SLC4A8: variants seen among roughly 807,000 people sequenced by gnomAD.
SLC4A8 encodes electroneutral sodium bicarbonate exchanger 1.
A neutral mutation model predicts 125.0 loss-of-function variants in SLC4A8; 40 were observed. The ratio of observed to expected loss-of-function variants is 0.32; its 90% CI spans 0.25 to 0.42. The LOEUF is 0.42. SLC4A8 is among the 10% of genes least tolerant of loss of function. The pLI is 1.00. For synonymous variants in SLC4A8, 456 were observed against 476.0 expected, an observed-to-expected ratio of 0.96 and a Z score of 0.55; for missense variants, 863 against 1,355.1, an observed-to-expected ratio of 0.64 and a Z score of 5.70.
At chr12:51,451,389 G>C (rs771381417) in intron 3 of SLC4A8, among the ~76,000 whole-genome samples, 2 of 152,126 alleles carry the variant, frequency 1.3e-5, no homozygotes, top group Non-Finnish European at 2.9e-5. Flanking sequence ...GATTGCAGGC[G>C]TGAGCCACCG....
chr12:51,441,010 G>C (rs1394370776), intron 2 of SLC4A8: 3 of 1,120,030 alleles, frequency 2.7e-6, no homozygotes, highest in Non-Finnish European at 3.4e-6. Context: ...GCCTACATGG[G>C]AGATAGTGCT....
At chr12:51,441,316 A>G (rs1335620633) in intron 2 of SLC4A8, 2 of 589,838 alleles carry the variant, frequency 3.4e-6, no homozygotes, top group East Asian at 1.4e-4. Flanking sequence ...TCTTGAGTTC[A>G]TAACATCAAA....
rs1938285271 is a variant in SLC4A8, at chr12:51,509,358, T to C, written c.*1920T>C. 6.6e-6 allele frequency: 1 copy of C among 152,252 alleles called. No individual in the cohort carries two copies. The highest frequency in any genetic ancestry group is 2.4e-5 in the African/African-American group (1 of 41,462). 9.4% of individuals were successfully genotyped at this position (152,252 alleles called of 1,614,324 possible). ...GCCAAAGCTTCACATTTTAGCACTT[T>C]AGGATAACTGTAGTAATTGTACTCA... On this transcript the variant is annotated 3_prime_UTR_variant, in exon 25 of 25. Transcript: ENST00000453097.
Position 51,502,890 on chromosome 12 carries a change from G to C in SLC4A8, c.3082-1139G>C, listed in dbSNP as rs1226116124. 6.0e-5 allele frequency among the ~76,000 whole-genome samples: 9 copies of C among 148,776 alleles called. No homozygotes were observed. In the East Asian group the frequency reaches 1.8e-3, roughly 29 times the overall value. On this transcript the variant is annotated intron_variant, in intron 22 of 24. Coordinates refer to ENST00000453097, the MANE Select transcript of SLC4A8 (RefSeq NM_001039960.3). ...GTCTCGCTCTGTCGTCACCCAGGCT[G>C]GAGTGCAGTGGCGCCATCTTGGCTC...
intron 2 of SLC4A8, chr12:51,441,180 T>C: frequency 1.0e-6 from 1 of 984,876 alleles, no homozygotes; most frequent in Non-Finnish European, 1.2e-6. Flanking sequence ...TAAAAACTCA[T>C]TTTGGCTACA....
chr12:51,479,354 T>C (rs554702355), intron 16 of SLC4A8, among the ~76,000 whole-genome samples: 1 of 152,134 alleles, frequency 6.6e-6, no homozygotes, highest in South Asian at 2.1e-4. Context: ...GCAAACACCT[T>C]TTTGGGGGAT....
chr12:51,456,379 G>T (rs1011322680), intron 5 of SLC4A8, among the ~76,000 whole-genome samples: 1 of 152,272 alleles, frequency 6.6e-6, no homozygotes, highest in South Asian at 2.1e-4. Flanking sequence ...GAATAGTCAT[G>T]AATAGAATTA....
intron 13 of SLC4A8, among the ~76,000 whole-genome samples, chr12:51,470,839 C>T (rs1028871891): frequency 1.3e-5 from 2 of 151,566 alleles, no homozygotes; most frequent in African/African-American, 2.4e-5. Context: ...TTTAATTTGG[C>T]CTAATATCCT....
At chr12:51,417,643 G>A (rs1299996564) in intron 1 of SLC4A8, among the ~76,000 whole-genome samples, 39 of 151,946 alleles carry the variant, frequency 2.6e-4, no homozygotes, top group Non-Finnish European at 2.4e-4. Context: ...TCAGCCTCCC[G>A]AGTGGCTGGG....
chr12:51,488,763 T>G lies in SLC4A8; in HGVS notation c.2351T>G (p.Ile784Arg), dbSNP rs1254804519. 6.2e-7 allele frequency: 1 copy of G among 1,613,248 alleles called. No individual in the cohort carries two copies. Among genetic ancestry groups the G allele is most frequent in the South Asian group, 1.1e-5 (1 of 91,066 alleles). The change falls in exon 18 of 25, where the codon ATA (isoleucine) becomes AGA (arginine). Residue 784 changes from isoleucine to arginine, a missense_variant. Around this residue, in one of 6 missense-constraint regions of SLC4A8, gnomAD observed 197 missense variants for 377.7 expected, o/e 0.52. Transcript: ENST00000453097. ...GGCCCCAATCCCTGGTGGACTGTGATAGCTGCAATTATCCCAGCTCTTCTC... is the reference window on the plus strand; with the variant it reads ...GGCCCCAATCCCTGGTGGACTGTGAGAGCTGCAATTATCCCAGCTCTTCTC... Reference protein sequence around the residue: ...PIGPNPWWTVIAAIIPALLCT... With the variant: ...PIGPNPWWTVRAAIIPALLCT...
intron 11 of SLC4A8, among the ~76,000 whole-genome samples, chr12:51,465,907 G>A (rs1479059119): frequency 7.2e-5 from 11 of 152,142 alleles, no homozygotes; most frequent in African/African-American, 2.7e-4. Context: ...TTCCTGGACT[G>A]CACAAACTAA....
rs1329996368 is a variant in SLC4A8 at position 51,457,239 on chromosome 12, A to G, written c.575-112A>G. 5 of 725,772 alleles carry G rather than the reference A, an allele frequency of 6.9e-6. No homozygotes were observed. The East Asian group carries it at 7.9e-5, about 11-fold the overall frequency. 45.0% of individuals were successfully genotyped at this position (725,772 alleles called of 1,614,324 possible). A position where few individuals can be genotyped will look rare whatever the true frequency, so the allele number is the denominator to read the frequency against. ...GCTGAAATTGCACCTCAATGACCCT[A>G]GTGGAGCTGCTTCCCCCTACTCCAT... On this transcript the variant is annotated intron_variant, in intron 5 of 24. Transcript: ENST00000453097.
intron 22 of SLC4A8, chr12:51,502,430 T>G (rs911777564): frequency 1.3e-5 from 2 of 152,078 alleles, no homozygotes; most frequent in African/African-American, 4.8e-5. Context: ...AGAGACAAGG[T>G]TTTGCCATGT....
chr12:51,458,647 C>T lies in SLC4A8; in HGVS notation c.852C>T (p.Ser284=), dbSNP rs1365661794. 6.2e-6 allele frequency: 10 copies of T among 1,610,490 alleles called. No individual in the cohort carries two copies. Among genetic ancestry groups the T allele is most frequent in the South Asian group, 4.4e-5 (4 of 90,978 alleles). Residue 284 remains serine, a synonymous_variant, in exon 7 of 25, where the codon AGC becomes AGT. Coordinates refer to ENST00000453097, the MANE Select transcript of SLC4A8 (RefSeq NM_001039960.3). ...GTGAACATAGTCCTGTGGATTTAAGCAAGGTGAGCAGAGTGGTGGGAAGTT... is the reference window on the plus strand; with the variant it reads ...GTGAACATAGTCCTGTGGATTTAAGTAAGGTGAGCAGAGTGGTGGGAAGTT... ...VNCEHSPVDL[S]KVDLHFMKKI... is the part of the protein sequence containing the mutation.
chr12:51,439,985 CT>C (rs1375791322), intron 1 of SLC4A8, among the ~76,000 whole-genome samples: 1 of 152,032 alleles, frequency 6.6e-6, no homozygotes, highest in Non-Finnish European at 1.5e-5. Context: ...AATTGTAAGT[CT>C]TAAGTGAGGA....
At chr12:51,473,875 CT>C (rs1351597403) in intron 14 of SLC4A8, among the ~76,000 whole-genome samples, 11 of 152,260 alleles carry the variant, frequency 7.2e-5, no homozygotes, top group Admixed American at 7.2e-4. Flanking sequence ...GAGACTCTGA[CT>C]TTTAGAACAA....
intron 1 of SLC4A8, among the ~76,000 whole-genome samples, chr12:51,408,391 A>G (rs1592144054): frequency 6.6e-6 from 1 of 151,228 alleles, no homozygotes; most frequent in South Asian, 2.1e-4. Flanking sequence ...CACCATACCC[A>G]GCTAATTTTT....
intron 1 of SLC4A8, among the ~76,000 whole-genome samples, chr12:51,436,718 C>T (rs1162195979): frequency 6.6e-6 from 1 of 152,142 alleles, no homozygotes; most frequent in African/African-American, 2.4e-5. Context: ...TCTCTGCCTC[C>T]TAGGTTCAAG....
At chr12:51,417,377 TGCTC>T (rs1948705427) in intron 1 of SLC4A8, among the ~76,000 whole-genome samples, 1 of 151,854 alleles carries the variant, frequency 6.6e-6, no homozygotes, top group Non-Finnish European at 1.5e-5. Flanking sequence ...GATGGAGTCT[TGCTC>T]TGTTGCCCAG....
Sources: gnomAD v4.1 joint callset for allele counts (sites outside exome capture counted in the v4.1 genomes callset) on GRCh38, gnomAD v4.1.1 for gene constraint, gnomAD v4.1.1 regional missense constraint, MANE v1.5 for transcripts, NCBI Gene and HGNC (gene_info 2026-07-23, HGNC 2026-07-21) for gene names.